The following NRP1 variants were observed in gnomAD, a reference collection of about 807,000 sequenced individuals.
The protein encoded by NRP1 is neuropilin 1.
In NRP1, 35 loss-of-function variants were observed where a neutral mutation model predicts 106.7. That is an observed-to-expected ratio of 0.33 (90% confidence interval 0.25 to 0.43). The LOEUF (loss-of-function observed/expected upper bound fraction) is 0.43, where lower values mean the gene tolerates loss of function less well. Ranked by LOEUF, NRP1 falls within the 20% of genes least tolerant of loss-of-function variation. The probability of loss-of-function intolerance (pLI) is 1.00; values close to 1 mark genes in which losing one functional copy is unlikely to be tolerated. For synonymous variants in NRP1, 437 were observed against 417.9 expected (o/e 1.05, Z -0.56); for missense variants, 1,024 against 1,170.4 (o/e 0.87, Z 1.83).
In NRP1 at chr10:33,213,508, T is replaced by G. The variant is rs1198715278; in HGVS notation, c.1492A>C (p.Ile498Leu). The change falls in exon 9 of 17, where the codon ATC becomes CTC. Residue 498 changes from isoleucine (I) to leucine (L), a missense_variant. Coordinates refer to ENST00000374867, the MANE Select transcript of NRP1 (RefSeq NM_003873.7). ...CGGTGCTTCCCACCCTGAATGATGA[T>G]GCCCCTCACGATCTTCTCCTCCCCC... ...DLGEEKIVRG[I>L]IIQGGKHREN... 3.1e-6 allele frequency: 5 copies of G among 1,614,104 alleles called. No homozygotes were observed. Among genetic ancestry groups the G allele is most frequent in the Non-Finnish European group, 4.2e-6 (5 of 1,180,022 alleles).
chr10:33,201,663 G>T (rs915148181), intron 11 of NRP1: 1 of 152,108 alleles, frequency 6.6e-6, no homozygotes, highest in Non-Finnish European at 1.5e-5. Context: ...TACAAGATTT[G>T]CATTCAAAAG....
At position 33,297,348 on chromosome 10, in the gene NRP1, C is replaced by T. The variant is rs145692054; in HGVS notation, c.249-26492G>A. Reference sequence around the variant, plus strand: ...GGAATATAACGATTCTGGAACATTACTGGGGCCTCTGAAAATTGTATTTCC... The same window carrying T: ...GGAATATAACGATTCTGGAACATTATTGGGGCCTCTGAAAATTGTATTTCC... On this transcript the variant is annotated intron_variant, in intron 2 of 16. Coordinates refer to ENST00000374867, the MANE Select transcript of NRP1 (RefSeq NM_003873.7). Among the ~76,000 whole-genome samples the T allele has an allele frequency of 5.9e-5, 9 of 152,298 alleles. No individual in the cohort carries two copies. In the East Asian group the frequency reaches 1.2e-3, roughly 20 times the overall value.
At chr10:33,185,775 C>A (rs377371142) in intron 14 of NRP1, 51 bp from the exon 15 acceptor site, 11 of 1,462,324 alleles carry the variant, frequency 7.5e-6, no homozygotes, top group Non-Finnish European at 1.1e-5. Context: ...TCTCACATGG[C>A]AGTGTTTACA....
intron 8 of NRP1, among the ~76,000 whole-genome samples, chr10:33,214,277 C>A (rs1838573102): frequency 6.6e-6 from 1 of 152,116 alleles, no homozygotes; most frequent in Admixed American, 6.5e-5. Flanking sequence ...ACCCCTATTT[C>A]TAATTGCATT....
At chr10:33,313,399 A>G (rs1846752811) in intron 2 of NRP1, among the ~76,000 whole-genome samples, 1 of 152,202 alleles carries the variant, frequency 6.6e-6, no homozygotes, top group African/African-American at 2.4e-5. Context: ...GATCAGGACC[A>G]GCCTCAGCTG....
At chr10:33,257,017 A>T (rs975302221) in intron 4 of NRP1, among the ~76,000 whole-genome samples, 1 of 152,218 alleles carries the variant, frequency 6.6e-6, no homozygotes, top group Non-Finnish European at 1.5e-5. Context: ...GATTCTTATT[A>T]TGATAAACAT....
At chr10:33,202,839 C>G in intron 11 of NRP1, 52 bp downstream of exon 11, 9 of 1,614,180 alleles carry the variant, frequency 5.6e-6, no homozygotes, top group Non-Finnish European at 7.6e-6. Flanking sequence ...CTGGTCCCAA[C>G]TAAGACATGA....
chr10:33,303,132 C>A (rs975276119), intron 2 of NRP1, among the ~76,000 whole-genome samples: 5 of 152,304 alleles, frequency 3.3e-5, no homozygotes, highest in Non-Finnish European at 7.4e-5. Flanking sequence ...TGTCTCTGAA[C>A]CTTGCCATGG....
intron 9 of NRP1, among the ~76,000 whole-genome samples, chr10:33,209,102 T>A (rs1838067205): frequency 6.6e-6 from 1 of 151,992 alleles, no homozygotes; most frequent in Admixed American, 6.6e-5. Flanking sequence ...AGATGGGGTT[T>A]CACCACGTTG....
At chr10:33,216,718 A>G (rs1223392282) in intron 8 of NRP1, among the ~76,000 whole-genome samples, 1 of 152,116 alleles carries the variant, frequency 6.6e-6, no homozygotes, top group Admixed American at 6.6e-5. Flanking sequence ...CTGGGGTCAC[A>G]GGCTTGAGCC....
At chr10:33,298,592 T>C (rs1035319284) in intron 2 of NRP1, among the ~76,000 whole-genome samples, 3 of 152,192 alleles carry the variant, frequency 2.0e-5, no homozygotes, top group African/African-American at 7.2e-5. Flanking sequence ...GGAGGTCTCA[T>C]AATTCTGTAT....
rs559774002 is a variant in NRP1, at chr10:33,292,941, G to A, written c.249-22085C>T. Among the ~76,000 whole-genome samples, 346 of 151,362 alleles carry A rather than the reference G, an allele frequency of 2.3e-3. 3 individuals are homozygous for A. Among genetic ancestry groups the A allele is most frequent in the African/African-American group, 6.8e-3 (282 of 41,316 alleles). On this transcript the variant is annotated intron_variant, in intron 2 of 16. Coordinates refer to ENST00000374867, the MANE Select transcript of NRP1 (RefSeq NM_003873.7). ...GCAGAGGTTGCAGTGAGCCGAGATC[G>A]TGCCATTGCACTCTGGCCTGGGCAA...
At position 33,270,750 on chromosome 10, in the gene NRP1, G is replaced by A. The variant is rs746144639; in HGVS notation, c.355C>T (p.Leu119Phe). 1 of 1,613,724 alleles carries A rather than the reference G, an allele frequency of 6.2e-7. No individual in the cohort carries two copies. The change falls in exon 3 of 17, where the codon CTT becomes TTT. Residue 119 changes from leucine to phenylalanine, a missense_variant. Physicochemically the swap from Leu to Phe is conservative, Grantham distance 22. Transcript: ENST00000374867. ...PPPVVSSGPF[L>F]FIKFVSDYET... ...TAGTCAGAGACAAATTTGATAAAAAGAAATGGCCCTGAAGACACAACAGGA... is the reference window on the plus strand; with the variant it reads ...TAGTCAGAGACAAATTTGATAAAAAAAAATGGCCCTGAAGACACAACAGGA...
chr10:33,245,955 G>T (rs1409019025), intron 6 of NRP1, among the ~76,000 whole-genome samples: 1 of 152,130 alleles, frequency 6.6e-6, no homozygotes, highest in Admixed American at 6.5e-5. Flanking sequence ...GGTTCTCGAA[G>T]AATTGTCTTT....
At chr10:33,192,163 G>T in intron 13 of NRP1, 118 bp downstream of exon 13, 2 of 1,029,018 alleles carry the variant, frequency 1.9e-6, no homozygotes, top group Non-Finnish European at 2.8e-6. Context: ...ACATGTGAAC[G>T]CCTGTAGTAA....
intron 15 of NRP1, among the ~76,000 whole-genome samples, chr10:33,184,484 A>G (rs1835883583): frequency 6.6e-6 from 1 of 152,246 alleles, no homozygotes. Flanking sequence ...AAACATCACC[A>G]TCATCACTCT....
At chr10:33,286,744 C>G (rs1844593838) in intron 2 of NRP1, among the ~76,000 whole-genome samples, 1 of 152,148 alleles carries the variant, frequency 6.6e-6, no homozygotes, top group South Asian at 2.1e-4. Flanking sequence ...AAATTCTGGA[C>G]AGAGAACATG....
chr10:33,253,576 G>A (rs896500031), intron 6 of NRP1, among the ~76,000 whole-genome samples: 1 of 152,052 alleles, frequency 6.6e-6, no homozygotes, highest in Non-Finnish European at 1.5e-5. Flanking sequence ...TGAACAAACA[G>A]AAACCTATTA....
At chr10:33,215,029 G>C (rs775718020) in intron 8 of NRP1, among the ~76,000 whole-genome samples, 1 of 152,086 alleles carries the variant, frequency 6.6e-6, no homozygotes, top group African/African-American at 2.4e-5. Flanking sequence ...ATTTTACCCC[G>C]ACAATAGAAA....
Sources: allele counts gnomAD v4.1 joint callset (sites outside exome capture counted in the v4.1 genomes callset), GRCh38; gene constraint gnomAD v4.1.1; transcripts MANE v1.5; gene names NCBI Gene and HGNC (gene_info 2026-07-23, HGNC 2026-07-21).